The following SCN8A variants were observed in gnomAD, a reference collection of about 807,000 sequenced individuals.
SCN8A encodes the protein sodium channel protein type 8 subunit alpha.
Under a neutral mutation model 184.1 loss-of-function variants are expected in SCN8A, and 30 were observed. That is an observed-to-expected ratio of 0.16 (90% confidence interval 0.12 to 0.22). The LOEUF is 0.22. Ranked by LOEUF, SCN8A falls within the 10% of genes least tolerant of loss-of-function variation. SCN8A has a pLI of 1.00. For missense variants in SCN8A, 1,057 were observed against 2,498.9 expected, an observed-to-expected ratio of 0.42 and a Z score of 12.30; for synonymous variants, 852 against 907.0, an observed-to-expected ratio of 0.94 and a Z score of 1.09.
At chr12:51,651,003 A>G (rs543081500) in intron 1 of SCN8A, among the ~76,000 whole-genome samples, 2 of 152,322 alleles carry the variant, frequency 1.3e-5, no homozygotes, top group East Asian at 3.9e-4. Flanking sequence ...GAATTAAAGG[A>G]ATAGGTTGGG....
chr12:51,719,040 A>T (rs1905249), intron 11 of SCN8A, among the ~76,000 whole-genome samples: 88,473 of 117,958 alleles, frequency 0.75, 35,462 homozygotes, highest in East Asian at 0.9. Context: ...TTTTTGGTAT[A>T]TAACTTGGAA....
chr12:51,646,605 A>G (rs115558247), intron 1 of SCN8A, among the ~76,000 whole-genome samples: 1,734 of 152,360 alleles, frequency 0.011, 48 homozygotes, highest in African/African-American at 0.039. Flanking sequence ...GTTTTAGAAC[A>G]ATGGGCAGGA....
chr12:51,698,460 C>T (rs1284803714), intron 6 of SCN8A, among the ~76,000 whole-genome samples: 1 of 152,210 alleles, frequency 6.6e-6, no homozygotes, highest in Non-Finnish European at 1.5e-5. Context: ...GCCTCTTGCT[C>T]ATCCTGGTGC....
intron 1 of SCN8A, among the ~76,000 whole-genome samples, chr12:51,657,885 A>G (rs1940853769): frequency 6.6e-6 from 1 of 152,026 alleles, no homozygotes; most frequent in East Asian, 1.9e-4. Flanking sequence ...ATCCCTCCCC[A>G]ATGAATGTTC....
intron 1 of SCN8A, among the ~76,000 whole-genome samples, chr12:51,655,774 C>T (rs1441824541): frequency 1.3e-5 from 2 of 152,170 alleles, no homozygotes; most frequent in African/African-American, 4.8e-5. Context: ...TTTAGAACTG[C>T]CAGAGCCAAA....
At position 51,784,420 on chromosome 12, in the gene SCN8A, T is replaced by C. The variant is rs148956348; in HGVS notation, c.3943-2122T>C. ...AAATACAAAAATTAGCTGGGCACGG[T>C]AGCACGCACCTGTAGTCCCAGTTAC... On this transcript the variant is annotated intron_variant, in intron 21 of 26. Transcript: ENST00000627620. 7.4e-3 allele frequency among the ~76,000 whole-genome samples: 1,125 copies of C among 152,086 alleles called. 7 individuals carry two copies. The highest frequency in any genetic ancestry group is 0.013 in the Non-Finnish European group (851 of 67,990).
intron 14 of SCN8A, among the ~76,000 whole-genome samples, chr12:51,753,719 A>C (rs1463084156): frequency 6.6e-6 from 1 of 152,244 alleles, no homozygotes; most frequent in East Asian, 1.9e-4. Context: ...AGATAATACC[A>C]TGCCATCACT....
In SCN8A at chr12:51,774,417, G is replaced by A. The variant is rs549447029; in HGVS notation, c.3819+55G>A. 5.9e-5 allele frequency: 90 copies of A among 1,522,528 alleles called. No individual in the cohort carries two copies. In the South Asian group the frequency reaches 1.1e-3, roughly 19 times the overall value. The allele number at this position is 1,522,528 out of a possible 1,614,324, so 94.3% of individuals were successfully genotyped here. On this transcript the variant is annotated intron_variant, in intron 20 of 26. Coordinates refer to ENST00000627620, the MANE Select transcript of SCN8A (RefSeq NM_001330260.2). Reference sequence around the variant, plus strand: ...CTTCCAGCAGGAACACAGAAACAGGGGTCTCTCTTTTTCTAATGGCAGTAG... The same window carrying A: ...CTTCCAGCAGGAACACAGAAACAGGAGTCTCTCTTTTTCTAATGGCAGTAG...
chr12:51,769,326 C>A lies in SCN8A; in HGVS notation c.3363C>A (p.Gly1121=). 6.3e-7 allele frequency: 1 copy of A among 1,584,158 alleles called. No individual in the cohort carries two copies. The highest frequency in any genetic ancestry group is 8.6e-7 in the Non-Finnish European group (1 of 1,161,768). The part of the protein sequence containing the change: ...EDVSSESDPE[G]SKDKLDDTSS... Reference sequence around the variant, plus strand: ...TTAGCAGCGAGTCGGATCCTGAAGGCAGCAAAGATGTAAGGTCCCAGCCTA... The same window carrying A: ...TTAGCAGCGAGTCGGATCCTGAAGGAAGCAAAGATGTAAGGTCCCAGCCTA... The change falls in exon 17 of 27, where the codon GGC becomes GGA. Residue 1121 remains glycine (G), a synonymous_variant. Coordinates refer to ENST00000627620, the MANE Select transcript of SCN8A (RefSeq NM_001330260.2).
chr12:51,728,318 T>TC (rs926693637), intron 12 of SCN8A, among the ~76,000 whole-genome samples: 1 of 151,994 alleles, frequency 6.6e-6, no homozygotes, highest in Non-Finnish European at 1.5e-5. Context: ...CAAGAAACCA[T>TC]CCCCCTTATC....
chr12:51,629,777 G>A (rs117260102), intron 1 of SCN8A, among the ~76,000 whole-genome samples: 80 of 152,228 alleles, frequency 5.3e-4, no homozygotes, highest in Non-Finnish European at 9.1e-4. Context: ...GGGCTAAGAG[G>A]TGGGAAGGAG....
In SCN8A at chr12:51,706,423, C is replaced by T; in HGVS notation, c.1343C>T (p.Ala448Val). 1 of 1,573,732 alleles carries T rather than the reference C, an allele frequency of 6.4e-7. No individual in the cohort carries two copies. Among genetic ancestry groups the T allele is most frequent in the East Asian group, 2.3e-5 (1 of 43,668 alleles). Residue 448 changes from alanine (A) to valine (V), a missense_variant and splice_region_variant, in exon 11 of 27, where the codon GCT becomes GTT. Ala to Val is a moderately conservative substitution (Grantham distance 64). Transcript: ENST00000627620. ...TCCCTGCTGTGGCTTCTTTCCTAGG[C>T]TGCTGCGATGGCCACTTCAGCAGGA... ...QLKKQQEEAQAAAMATSAGTV... is the reference protein window; with the variant it reads ...QLKKQQEEAQVAAMATSAGTV...
At chr12:51,664,844 G>A (rs983689461) in intron 2 of SCN8A, among the ~76,000 whole-genome samples, 7 of 152,052 alleles carry the variant, frequency 4.6e-5, no homozygotes, top group African/African-American at 1.7e-4. Flanking sequence ...ATTAAGCCCG[G>A]CATCTATTAA....
At chr12:51,794,687 G>A (rs1163125173) in intron 26 of SCN8A, 46 bp downstream of exon 26, 2 of 1,566,436 alleles carry the variant, frequency 1.3e-6, no homozygotes, top group East Asian at 4.5e-5. Flanking sequence ...GGACCTGACT[G>A]ATTGTGAGGA....
At chr12:51,731,314 T>C (rs1942238431) in intron 12 of SCN8A, among the ~76,000 whole-genome samples, 1 of 152,084 alleles carries the variant, frequency 6.6e-6, no homozygotes, top group Non-Finnish European at 1.5e-5. Flanking sequence ...CTCGGCTCAC[T>C]GCACTGTTAA....
At chr12:51,714,435 C>A (rs1044004016) in intron 11 of SCN8A, among the ~76,000 whole-genome samples, 4 of 152,146 alleles carry the variant, frequency 2.6e-5, no homozygotes. Context: ...TACCACCAAT[C>A]TCATCATAAA....
chr12:51,636,085 C>T (rs1940311105), intron 1 of SCN8A, among the ~76,000 whole-genome samples: 1 of 152,274 alleles, frequency 6.6e-6, no homozygotes, highest in African/African-American at 2.4e-5. Context: ...AGCTCTGCCT[C>T]CTAGGTTCAC....
intron 2 of SCN8A, among the ~76,000 whole-genome samples, chr12:51,671,296 C>G (rs191537222): frequency 6.6e-6 from 1 of 152,136 alleles, no homozygotes; most frequent in Non-Finnish European, 1.5e-5. Context: ...AGGTTTAACT[C>G]GGGTTAGATA....
chr12:51,659,811 C>T (rs1940893296), intron 1 of SCN8A, among the ~76,000 whole-genome samples: 1 of 152,066 alleles, frequency 6.6e-6, no homozygotes, highest in African/African-American at 2.4e-5. Flanking sequence ...GTATGGATAG[C>T]AAAAGGGGAC....
Sources: gnomAD v4.1 joint callset for allele counts (sites outside exome capture counted in the v4.1 genomes callset) on GRCh38, gnomAD v4.1.1 for gene constraint, MANE v1.5 for transcripts, NCBI Gene and HGNC (gene_info 2026-07-23, HGNC 2026-07-21) for gene names.